TACC1: variants seen among roughly 807,000 people sequenced by gnomAD.
TACC1 encodes transforming acidic coiled-coil-containing protein 1.
In TACC1, 48 loss-of-function variants were observed where a neutral mutation model predicts 84.4. That is an observed-to-expected ratio of 0.57 (90% CI 0.45 to 0.72). The LOEUF is 0.72. TACC1 is among the 30% of genes least tolerant of loss of function. TACC1 has a pLI of 0.00. For missense variants in TACC1, 920 were observed against 973.0 expected (o/e 0.95, Z 0.72); for synonymous variants, 372 against 376.3 (o/e 0.99, Z 0.13).
chr8:38,846,219 G>A (rs925883924), intron 11 of TACC1: 1 of 140,360 alleles, frequency 7.1e-6, no homozygotes, highest in Admixed American at 7.7e-5. Context: ...GGGAGGCGGA[G>A]CTTGCAGTGA....
intron 1 of TACC1, among the ~76,000 whole-genome samples, chr8:38,737,891 C>G (rs1428908151): frequency 1.3e-5 from 2 of 152,040 alleles, no homozygotes; most frequent in East Asian, 3.9e-4. Context: ...CCATGCCTGG[C>G]TAATTTTGTA....
Position 38,767,474 on chromosome 8 carries a change from A to G in TACC1, c.27-21230A>G, listed in dbSNP as rs561843758. On this transcript the variant is annotated intron_variant, in intron 3 of 14. Coordinates refer to the TACC1 transcript ENST00000518415. ...GGCAGGTTCTCTTGAGGACAAGACT[A>G]GAACCAAGAGATGTGTGCAAATTTC... 3.3e-5 allele frequency among the ~76,000 whole-genome samples: 5 copies of G among 152,360 alleles called. No homozygotes were observed. In the South Asian group the frequency reaches 1.0e-3, roughly 32 times the overall value.
At chr8:38,845,054 A>G (rs924187191) in intron 11 of TACC1, 4 of 152,248 alleles carry the variant, frequency 2.6e-5, no homozygotes, top group Non-Finnish European at 5.9e-5. Context: ...CCTTCCGAGC[A>G]GCTGGGATTA....
Position 38,851,593 on chromosome 8 carries a change from T to C in TACC1, c.*3570T>C, listed in dbSNP as rs1833094305. 5.1e-6 allele frequency: 1 copy of C among 196,670 alleles called. No individual in the cohort carries two copies. Among genetic ancestry groups the C allele is most frequent in the East Asian group, 1.3e-4 (1 of 7,900 alleles). The allele number at this position is 196,670 out of a possible 1,614,324, so 12.2% of individuals were successfully genotyped here. ...CTGAAGCCCCCTTTTAACTTCCTCTTGGTTTTTCATTATAATTGGTAGCCA... is the reference window on the plus strand; with the variant it reads ...CTGAAGCCCCCTTTTAACTTCCTCTCGGTTTTTCATTATAATTGGTAGCCA... On this transcript the variant is annotated 3_prime_UTR_variant, in exon 13 of 13. Coordinates refer to ENST00000317827, the MANE Select transcript of TACC1 (RefSeq NM_006283.3).
chr8:38,817,700 C>A (rs1436738585), intron 2 of TACC1, among the ~76,000 whole-genome samples: 1 of 151,778 alleles, frequency 6.6e-6, no homozygotes, highest in East Asian at 1.9e-4. Context: ...TGTAGAATAT[C>A]TGAAGTATGT....
intron 5 of TACC1, 40 bp from the exon 6 acceptor site, chr8:38,831,085 G>A (rs757183007): frequency 6.2e-6 from 10 of 1,609,072 alleles, no homozygotes; most frequent in East Asian, 2.2e-5. Flanking sequence ...GAAAGGAACC[G>A]ACTTCTTGGG....
At position 38,741,803 on chromosome 8, in the gene TACC1, G is replaced by A. The variant is rs551258878; in HGVS notation, c.-674-548G>A. ...GTCAATATTCCAAGAAGATACTTGC[G>A]GTTACTGGGTCCAAGATGTTTGAAT... On this transcript the variant is annotated intron_variant, in intron 1 of 14. Coordinates refer to the TACC1 transcript ENST00000518415. 3.5e-4 allele frequency among the ~76,000 whole-genome samples: 54 copies of A among 152,160 alleles called. No homozygotes were observed. In the South Asian group the frequency reaches 0.01, roughly 29 times the overall value.
Position 38,755,016 on chromosome 8 carries a change from C to T in TACC1, c.26+9523C>T, listed in dbSNP as rs189090564. ...CTCTATTAAAAATACAAAAAATAGC[C>T]AGGCGTGATGGTGCGCGCCTGTAGT... On this transcript the variant is annotated intron_variant, in intron 3 of 14. Coordinates refer to the TACC1 transcript ENST00000518415. 1.1e-4 allele frequency among the ~76,000 whole-genome samples: 16 copies of T among 152,130 alleles called. No individual in the cohort carries two copies. The East Asian group carries it at 3.1e-3, about 29-fold the overall frequency.
intron 4 of TACC1, among the ~76,000 whole-genome samples, chr8:38,826,039 G>A (rs141414758): frequency 0.024 from 3,589 of 152,278 alleles, 68 homozygotes; most frequent in Non-Finnish European, 0.036. Context: ...CGAAGCCCAG[G>A]CCCATCTGAT....
chr8:38,785,764 T>C (rs1817016574), upstream of TACC1: 1 of 973,538 alleles, frequency 1.0e-6, no homozygotes, highest in South Asian at 4.8e-5. Flanking sequence ...ACTACAACAG[T>C]TGGATAAGTG....
At chr8:38,749,524 T>C (rs13275810) in intron 3 of TACC1, among the ~76,000 whole-genome samples, 18,096 of 152,096 alleles carry the variant, frequency 0.12, 1,391 homozygotes, top group East Asian at 0.3. Context: ...GCAAGCCAAA[T>C]CCAGCAGCAT....
chr8:38,745,081 G>C (rs1807813234), exon 3 of TACC1: 1 of 166,670 alleles, frequency 6.0e-6, no homozygotes, highest in Admixed American at 6.2e-5. Flanking sequence ...GCATTCTGGG[G>C]AGTGAGGAGA....
intron 1 of TACC1, among the ~76,000 whole-genome samples, chr8:38,730,592 A>C (rs1391432662): frequency 6.6e-6 from 1 of 152,238 alleles, no homozygotes; most frequent in Non-Finnish European, 1.5e-5. Context: ...AGGAAGAGCC[A>C]CTGAGTGACT....
chr8:38,819,805 G>T lies in TACC1; in HGVS notation c.561G>T (p.Pro187=), dbSNP rs1481831033. ...AVSGKALPSS[P]PDALQDEAMT... ...CAGGCAAGGCTCTGCCTTCCAGCCC[G>T]CCAGACGCCCTCCAGGACGAGGCGA... Residue 187 remains proline, a synonymous_variant, in exon 3 of 13, where the codon CCG becomes CCT. Transcript: ENST00000317827. 6.2e-7 allele frequency: 1 copy of T among 1,613,938 alleles called. No homozygotes were observed. The highest frequency in any genetic ancestry group is 1.7e-5 in the Admixed American group (1 of 60,028).
At chr8:38,731,655 G>A (rs1199096322) in intron 1 of TACC1, among the ~76,000 whole-genome samples, 2 of 152,072 alleles carry the variant, frequency 1.3e-5, no homozygotes, top group Non-Finnish European at 2.9e-5. Context: ...GATTGTGCTT[G>A]GACCCCAGCT....
intron 11 of TACC1, among the ~76,000 whole-genome samples, chr8:38,844,154 C>CATTT (rs752649099): frequency 4.6e-5 from 7 of 151,852 alleles, no homozygotes; most frequent in Non-Finnish European, 8.8e-5. Context: ...AGCAACAGAG[C>CATTT]ATTTATTTAT....
chr8:38,824,430 C>T (rs1270437493), intron 3 of TACC1, among the ~76,000 whole-genome samples: 1 of 152,102 alleles, frequency 6.6e-6, no homozygotes, highest in African/African-American at 2.4e-5. Context: ...TGAGTCAGCT[C>T]AACTTGAGTT....
chr8:38,787,329 G>A lies in TACC1; in HGVS notation c.-254G>A. ...GAGGCCACAGGACGGGCGTCTTCCC[G>A]GCTAGTGGAGCCCGGCGCGGGGCCC... On this transcript the variant is annotated 5_prime_UTR_variant, in exon 1 of 13. Transcript: ENST00000317827. The A allele has an allele frequency of 2.4e-6, 3 of 1,272,972 alleles. No individual in the cohort carries two copies. Among genetic ancestry groups the A allele is most frequent in the East Asian group, 3.6e-5 (1 of 28,152 alleles). The allele number at this position is 1,272,972 out of a possible 1,614,324, so 78.9% of individuals were successfully genotyped here.
intron 3 of TACC1, among the ~76,000 whole-genome samples, chr8:38,747,100 G>A (rs1808226454): frequency 6.6e-6 from 1 of 152,078 alleles, no homozygotes; most frequent in Non-Finnish European, 1.5e-5. Flanking sequence ...AATTTGAAAA[G>A]CTGTTTAATA....
Sources: gnomAD v4.1 joint callset for allele counts (sites outside exome capture counted in the v4.1 genomes callset) on GRCh38, gnomAD v4.1.1 for gene constraint, MANE v1.5 for transcripts, NCBI Gene and HGNC (gene_info 2026-07-23, HGNC 2026-07-21) for gene names.